The following SMAP1 variants were observed in gnomAD, a reference collection of about 807,000 sequenced individuals.
SMAP1 encodes the protein stromal membrane-associated protein 1.
Under a neutral mutation model 58.5 loss-of-function variants are expected in SMAP1, and 24 were observed. The ratio of observed to expected loss-of-function variants is 0.41; its 90% CI spans 0.30 to 0.58. The LOEUF (loss-of-function observed/expected upper bound fraction) is 0.58, where lower values mean the gene tolerates loss of function less well. Among genes scored for constraint, SMAP1 ranks in the 20% least tolerant of loss-of-function variants. The pLI is 0.29. For synonymous variants in SMAP1, 216 were observed against 196.6 expected, an observed-to-expected ratio of 1.10 and a Z score of -0.82; for missense variants, 563 against 566.3, an observed-to-expected ratio of 0.99 and a Z score of 0.06.
intron 5 of SMAP1, among the ~76,000 whole-genome samples, chr6:70,792,241 T>A (rs1768393933): frequency 6.6e-6 from 1 of 152,056 alleles, no homozygotes; most frequent in South Asian, 2.1e-4. Flanking sequence ...GTGGAAGTGG[T>A]TAGGGTGCAG....
At chr6:70,836,646 A>G (rs1000845848) in intron 6 of SMAP1, among the ~76,000 whole-genome samples, 2 of 152,200 alleles carry the variant, frequency 1.3e-5, no homozygotes, top group African/African-American at 4.8e-5. Flanking sequence ...TATGAAATGC[A>G]TTTCTTTAAA....
intron 10 of SMAP1, chr6:70,859,965 AT>A (rs759772512): frequency 2.5e-3 from 939 of 377,184 alleles, no homozygotes; most frequent in East Asian, 3.2e-3. Context: ...TTGCTTTGGT[AT>A]TTTTTTTTAA....
chr6:70,710,863 T>G (rs983100196), intron 1 of SMAP1, among the ~76,000 whole-genome samples: 1 of 152,152 alleles, frequency 6.6e-6, no homozygotes, highest in African/African-American at 2.4e-5. Context: ...TATTATTGCT[T>G]TTTTACTTTT....
At chr6:70,833,388 G>A (rs1770442524) in intron 6 of SMAP1, among the ~76,000 whole-genome samples, 2 of 152,192 alleles carry the variant, frequency 1.3e-5, no homozygotes, top group East Asian at 1.9e-4. Context: ...TTCAGGTTAC[G>A]GCCTCCACAA....
At chr6:70,766,298 C>A (rs527247190) in intron 3 of SMAP1, among the ~76,000 whole-genome samples, 1 of 152,274 alleles carries the variant, frequency 6.6e-6, no homozygotes, top group Admixed American at 6.5e-5. Flanking sequence ...ATTTCTAGTT[C>A]TAGATCCCTG....
chr6:70,732,125 T>C (rs538170092), intron 1 of SMAP1, among the ~76,000 whole-genome samples: 1 of 152,290 alleles, frequency 6.6e-6, no homozygotes, highest in Non-Finnish European at 1.5e-5. Flanking sequence ...TTATATAAAT[T>C]AGTTTTAAAA....
chr6:70,846,338 C>T lies in SMAP1; in HGVS notation c.665-6202C>T, dbSNP rs145124523. On this transcript the variant is annotated intron_variant, in intron 7 of 10. Coordinates refer to ENST00000370455, the MANE Select transcript of SMAP1 (RefSeq NM_001044305.3). Reference sequence around the variant, plus strand: ...TGTATTGAGTATGTGCCTTAATCCACGCATTGAATTAAGGAGGCAGCTGCA... The same window carrying T: ...TGTATTGAGTATGTGCCTTAATCCATGCATTGAATTAAGGAGGCAGCTGCA... Among the ~76,000 whole-genome samples, 66 of 152,146 alleles carry T rather than the reference C, an allele frequency of 4.3e-4. 1 individual carries two copies. Among genetic ancestry groups the T allele is most frequent in the African/African-American group, 1.3e-3 (56 of 41,518 alleles).
intron 1 of SMAP1, among the ~76,000 whole-genome samples, chr6:70,674,680 A>G (rs887090030): frequency 3.3e-5 from 5 of 152,220 alleles, no homozygotes; most frequent in African/African-American, 9.7e-5. Flanking sequence ...TGTGTGTTAA[A>G]AAAGTTTTGG....
intron 10 of SMAP1, chr6:70,858,446 TA>T (rs1310352382): frequency 1.0e-4 from 44 of 427,166 alleles, no homozygotes; most frequent in East Asian, 1.7e-4. Context: ...GAGTATTCTG[TA>T]AAAAAAAGGT....
At position 70,757,862 on chromosome 6, in the gene SMAP1, A is replaced by C. The variant is rs1345588168; in HGVS notation, c.338+2797A>C. Among the ~76,000 whole-genome samples the C allele has an allele frequency of 7.2e-5, 11 of 151,916 alleles. No individual in the cohort carries two copies. In the South Asian group the frequency reaches 1.2e-3, roughly 17 times the overall value. Reference sequence around the variant, plus strand: ...TTAGAATGGCAATCATTAAAAAGTCAGGAAACAACAGGTGCTGGAGAGGAT... The same window carrying C: ...TTAGAATGGCAATCATTAAAAAGTCCGGAAACAACAGGTGCTGGAGAGGAT... On this transcript the variant is annotated intron_variant, in intron 3 of 10. Transcript: ENST00000370455.
chr6:70,853,962 T>TG (rs1367750474), intron 8 of SMAP1, among the ~76,000 whole-genome samples: 1 of 152,220 alleles, frequency 6.6e-6, no homozygotes, highest in African/African-American at 2.4e-5. Flanking sequence ...GTCTGACAGT[T>TG]GCTTTGCAAC....
At chr6:70,674,931 C>T (rs1472931207) in intron 1 of SMAP1, among the ~76,000 whole-genome samples, 3 of 152,078 alleles carry the variant, frequency 2.0e-5, no homozygotes, top group Admixed American at 6.6e-5. Context: ...GCCGAGATGG[C>T]GCCACTGCAC....
intron 7 of SMAP1, chr6:70,837,961 T>C: frequency 9.4e-7 from 1 of 1,064,888 alleles, no homozygotes; most frequent in Non-Finnish European, 1.1e-6. Context: ...ATCGTACAAA[T>C]ATACTCCCTG....
intron 1 of SMAP1, among the ~76,000 whole-genome samples, chr6:70,714,612 T>A (rs897981247): frequency 1.3e-5 from 2 of 152,156 alleles, no homozygotes; most frequent in Admixed American, 1.3e-4. Flanking sequence ...GGGATTATAA[T>A]TAACTTCACA....
intron 1 of SMAP1, among the ~76,000 whole-genome samples, chr6:70,709,079 A>G (rs1767952361): frequency 1.7e-5 from 2 of 116,560 alleles, no homozygotes; most frequent in Admixed American, 1.7e-4. Flanking sequence ...TCTTCTAAGG[A>G]GGTTTTTGTG....
At chr6:70,726,872 G>GGGGT (rs1199129557) in intron 1 of SMAP1, among the ~76,000 whole-genome samples, 1 of 110,486 alleles carries the variant, frequency 9.1e-6, no homozygotes. Context: ...ACAAATTTTA[G>GGGGT]GGGTGTGTGT....
chr6:70,700,573 C>A (rs1267744766), intron 1 of SMAP1, among the ~76,000 whole-genome samples: 2 of 152,230 alleles, frequency 1.3e-5, no homozygotes, highest in Non-Finnish European at 2.9e-5. Flanking sequence ...GCTGGGATTA[C>A]AGGTGTGAGC....
chr6:70,700,280 G>A (rs1297192738), intron 1 of SMAP1, among the ~76,000 whole-genome samples: 2 of 152,190 alleles, frequency 1.3e-5, no homozygotes, highest in Non-Finnish European at 2.9e-5. Flanking sequence ...TAATTGTACA[G>A]CCAGCAGAAC....
intron 5 of SMAP1, among the ~76,000 whole-genome samples, chr6:70,795,623 T>C (rs931524652): frequency 2.0e-5 from 3 of 152,142 alleles, no homozygotes; most frequent in African/African-American, 7.2e-5. Flanking sequence ...TAATATCACA[T>C]TGGGGATTAG....
Sources: gnomAD v4.1 joint callset for allele counts (sites outside exome capture counted in the v4.1 genomes callset) on GRCh38, gnomAD v4.1.1 for gene constraint, MANE v1.5 for transcripts, NCBI Gene and HGNC (gene_info 2026-07-23, HGNC 2026-07-21) for gene names.